Variants in TCERG1L observed in about 807,000 individuals in gnomAD.
The protein encoded by TCERG1L is transcription elongation regulator 1-like protein.
Under a neutral mutation model 56.3 loss-of-function variants are expected in TCERG1L, and 37 were observed. The ratio of observed to expected loss-of-function variants is 0.66; its 90% CI spans 0.51 to 0.87. The LOEUF (loss-of-function observed/expected upper bound fraction) is 0.87. TCERG1L is among the 40% of genes least tolerant of loss of function. TCERG1L has a pLI of 0.00. For missense variants in TCERG1L, 799 were observed against 774.2 expected (o/e 1.03, Z -0.38); for synonymous variants, 324 against 326.3 (o/e 0.99, Z 0.08).
At chr10:131,107,662 C>G (rs189190771) in intron 9 of TCERG1L, among the ~76,000 whole-genome samples, 1 of 152,066 alleles carries the variant, frequency 6.6e-6, no homozygotes, top group Non-Finnish European at 1.5e-5. Flanking sequence ...CTGTTGTTCC[C>G]GAGCCTGCGT....
intron 8 of TCERG1L, among the ~76,000 whole-genome samples, chr10:131,133,472 G>A (rs1367422613): frequency 6.6e-6 from 1 of 152,134 alleles, no homozygotes; most frequent in African/African-American, 2.4e-5. Flanking sequence ...TGTGGGCTGT[G>A]GCAGGACCCA....
intron 7 of TCERG1L, among the ~76,000 whole-genome samples, chr10:131,135,936 A>T (rs1302154952): frequency 2.0e-5 from 3 of 152,204 alleles, no homozygotes; most frequent in Non-Finnish European, 1.5e-5. Flanking sequence ...CTGGCTTTTC[A>T]GCGGCCCCTG....
chr10:131,147,608 G>A (rs989349764), intron 6 of TCERG1L, among the ~76,000 whole-genome samples: 3 of 152,262 alleles, frequency 2.0e-5, no homozygotes, highest in Non-Finnish European at 4.4e-5. Flanking sequence ...TTCCCCTGGG[G>A]CAAGCCCCCT....
chr10:131,196,376 G>C (rs1247825133), intron 4 of TCERG1L, among the ~76,000 whole-genome samples: 2 of 152,158 alleles, frequency 1.3e-5, no homozygotes, highest in African/African-American at 2.4e-5. Context: ...CAGGGAAGGT[G>C]GTGGGCGTGT....
chr10:131,242,220 G>A (rs1045047798), intron 4 of TCERG1L, among the ~76,000 whole-genome samples: 10 of 152,196 alleles, frequency 6.6e-5, no homozygotes, highest in Admixed American at 2.6e-4. Context: ...AAGTTCCAGC[G>A]TTGCAGCCGC....
intron 9 of TCERG1L, among the ~76,000 whole-genome samples, chr10:131,109,073 TG>T (rs145802182): frequency 6.7e-5 from 10 of 148,354 alleles, no homozygotes; most frequent in South Asian, 4.5e-4. Flanking sequence ...TGTTGTGGGG[TG>T]GGGGGGGTGG....
chr10:131,184,753 G>A (rs1201348063), intron 4 of TCERG1L, among the ~76,000 whole-genome samples: 1 of 152,236 alleles, frequency 6.6e-6, no homozygotes, highest in Non-Finnish European at 1.5e-5. Flanking sequence ...GCAGCAACAG[G>A]TGCACAAGTG....
intron 7 of TCERG1L, among the ~76,000 whole-genome samples, chr10:131,135,684 T>G (rs770371418): frequency 3.9e-5 from 6 of 152,184 alleles, no homozygotes; most frequent in Non-Finnish European, 8.8e-5. Context: ...CAGCTCATGG[T>G]CACCCCTGCC....
At position 131,301,015 on chromosome 10, in the gene TCERG1L, C is replaced by A. The variant is rs886220756; in HGVS notation, c.670+7196G>T. On this transcript the variant is annotated intron_variant, in intron 3 of 11. Transcript: ENST00000368642. ...GACAAATTCTGGCATGTATGAAAAT[C>A]TTTTTCAGTATTTGTACCCTTACCC... Among the ~76,000 whole-genome samples, 28 of 151,990 alleles carry A rather than the reference C, an allele frequency of 1.8e-4. 1 individual carries two copies. The highest frequency in any genetic ancestry group is 6.5e-4 in the African/African-American group (27 of 41,306).
At chr10:131,216,885 C>G (rs542436124) in intron 4 of TCERG1L, among the ~76,000 whole-genome samples, 1 of 152,112 alleles carries the variant, frequency 6.6e-6, no homozygotes, top group Non-Finnish European at 1.5e-5. Flanking sequence ...CTCAAGAGAC[C>G]GCGGGGTGGT....
At chr10:131,211,303 C>T (rs2133488324) in intron 4 of TCERG1L, among the ~76,000 whole-genome samples, 1 of 152,348 alleles carries the variant, frequency 6.6e-6, no homozygotes, top group African/African-American at 2.4e-5. Flanking sequence ...AGAACCGGAT[C>T]AGATGCCTCA....
At chr10:131,217,530 G>C (rs1405415216) in intron 4 of TCERG1L, among the ~76,000 whole-genome samples, 3 of 152,152 alleles carry the variant, frequency 2.0e-5, no homozygotes, top group South Asian at 2.1e-4. Context: ...ACACAGGCCT[G>C]GTCAGCAACA....
chr10:131,243,388 C>T (rs532871321), intron 4 of TCERG1L, among the ~76,000 whole-genome samples: 13 of 152,116 alleles, frequency 8.5e-5, no homozygotes, highest in Non-Finnish European at 1.8e-4. Flanking sequence ...TGGAGACCAG[C>T]GTAGCCAACG....
chr10:131,165,381 T>G (rs911095954), intron 5 of TCERG1L, among the ~76,000 whole-genome samples: 1 of 152,228 alleles, frequency 6.6e-6, no homozygotes, highest in African/African-American at 2.4e-5. Flanking sequence ...ATGTTCATCC[T>G]GACATTTTGG....
chr10:131,307,562 CAT>C (rs1274908582), intron 3 of TCERG1L, among the ~76,000 whole-genome samples: 5 of 152,300 alleles, frequency 3.3e-5, no homozygotes, highest in Admixed American at 2.6e-4. Context: ...AAATGATCCA[CAT>C]GTTAAGGTGA....
At chr10:131,227,377 A>G (rs1845802280) in intron 4 of TCERG1L, among the ~76,000 whole-genome samples, 1 of 152,232 alleles carries the variant, frequency 6.6e-6, no homozygotes, top group Non-Finnish European at 1.5e-5. Context: ...GTGTGGGCAG[A>G]GCTGGACCAA....
At chr10:131,293,878 C>A (rs1846661710) in intron 3 of TCERG1L, among the ~76,000 whole-genome samples, 1 of 151,966 alleles carries the variant, frequency 6.6e-6, no homozygotes, top group Admixed American at 6.6e-5. Flanking sequence ...ACTTCTGTTT[C>A]ACTCATTATT....
chr10:131,148,686 G>C (rs1322753448), intron 6 of TCERG1L, among the ~76,000 whole-genome samples: 2 of 152,168 alleles, frequency 1.3e-5, no homozygotes, highest in African/African-American at 2.4e-5. Context: ...CTGGAGAAAG[G>C]AATCACGAGC....
intron 3 of TCERG1L, among the ~76,000 whole-genome samples, chr10:131,262,161 A>AGCGGAGCCT (rs1846242934): frequency 6.6e-6 from 1 of 152,110 alleles, no homozygotes; most frequent in Admixed American, 6.6e-5. Context: ...CACAGGAGGG[A>AGCGGAGCCT]GCGGAGCCTG....
Sources: gnomAD v4.1 joint callset for allele counts (sites outside exome capture counted in the v4.1 genomes callset) on GRCh38, gnomAD v4.1.1 for gene constraint, MANE v1.5 for transcripts, NCBI Gene and HGNC (gene_info 2026-07-23, HGNC 2026-07-21) for gene names.